The following NPHP4 variants were observed in gnomAD, a reference collection of about 807,000 sequenced individuals.
NPHP4 encodes nephrocystin-4.
Under a neutral mutation model 155.8 loss-of-function variants are expected in NPHP4, and 151 were observed. That is an observed-to-expected ratio of 0.97 (90% CI 0.85 to 1.11). The LOEUF is 1.11. Among genes scored for constraint, NPHP4 ranks in the 50% least tolerant of loss-of-function variants. The probability of loss-of-function intolerance (pLI) is 0.00; values close to 1 mark genes in which losing one functional copy is unlikely to be tolerated. For synonymous variants in NPHP4, 845 were observed against 816.8 expected, an observed-to-expected ratio of 1.03 and a Z score of -0.59; for missense variants, 1,956 against 1,925.7, an observed-to-expected ratio of 1.02 and a Z score of -0.29.
Position 5,907,215 on chromosome 1 carries a change from A to C in NPHP4, c.1511T>G (p.Ile504Ser), listed in dbSNP as rs1209081705. The change falls in exon 13 of 30, where the codon ATT becomes AGT. Residue 504 changes from isoleucine (I) to serine (S), a missense_variant. Physicochemically the swap from Ile to Ser is moderately radical, Grantham distance 142 (BLOSUM62 -2). Coordinates refer to ENST00000378156, the MANE Select transcript of NPHP4 (RefSeq NM_015102.5). ...QNSPVGPGLS[I>S]SQLAASPRSP... is the part of the protein sequence containing the mutation. ...CCGCGGGGAGGCCGCCAGCTGGGAA[A>C]TTGACAACTGGAAGGAAAGAGAGCA... is the stretch of plus-strand genomic sequence containing the variant. The C allele has an allele frequency of 2.5e-6, 4 of 1,576,112 alleles. No homozygotes were observed. Among genetic ancestry groups the C allele is most frequent in the Non-Finnish European group, 3.4e-6 (4 of 1,159,892 alleles).
At chr1:5,874,733 G>C in intron 21 of NPHP4, 76 bp from the exon 22 acceptor site, 1 of 1,534,780 alleles carries the variant, frequency 6.5e-7, no homozygotes, top group Non-Finnish European at 8.9e-7. Context: ...CCCACCCACC[G>C]AGAGCGGTGC....
chr1:5,939,589 TG>T (rs1179504474), intron 9 of NPHP4, among the ~76,000 whole-genome samples: 1 of 152,188 alleles, frequency 6.6e-6, no homozygotes, highest in East Asian at 1.9e-4. Context: ...CTGCCCTCAC[TG>T]GGTCTCACAG....
intron 16 of NPHP4, among the ~76,000 whole-genome samples, chr1:5,899,496 G>A (rs2101046708): frequency 6.6e-6 from 1 of 152,344 alleles, no homozygotes; most frequent in Middle Eastern, 3.4e-3. Flanking sequence ...CCTTGGGGGA[G>A]GTGAAGGACT....
chr1:5,886,258 T>C (rs1302765150), intron 18 of NPHP4, among the ~76,000 whole-genome samples: 1 of 152,240 alleles, frequency 6.6e-6, no homozygotes, highest in Non-Finnish European at 1.5e-5. Flanking sequence ...ATATTGTCTA[T>C]TTACCAGGCC....
chr1:5,960,711 T>G (rs1023792283), intron 6 of NPHP4, among the ~76,000 whole-genome samples: 3 of 152,024 alleles, frequency 2.0e-5, no homozygotes, highest in African/African-American at 7.2e-5. Context: ...CAGAAGTGCC[T>G]GGAAGAAGCA....
intron 23 of NPHP4, among the ~76,000 whole-genome samples, chr1:5,872,422 G>A (rs1430351525): frequency 2.0e-5 from 3 of 152,218 alleles, no homozygotes; most frequent in Admixed American, 2.0e-4. Context: ...AACAGGACGC[G>A]ATGGCTGGGA....
chr1:5,946,292 G>A (rs748137814), intron 9 of NPHP4, among the ~76,000 whole-genome samples: 3 of 152,134 alleles, frequency 2.0e-5, no homozygotes, highest in Non-Finnish European at 4.4e-5. Context: ...TATAAATGAT[G>A]TCCACATATT....
chr1:5,878,752 C>T (rs1211000639), intron 19 of NPHP4, among the ~76,000 whole-genome samples: 1 of 152,202 alleles, frequency 6.6e-6, no homozygotes, highest in Non-Finnish European at 1.5e-5. Context: ...GACAGCTGAG[C>T]TCCTGACCTG....
intron 23 of NPHP4, among the ~76,000 whole-genome samples, chr1:5,870,102 C>T (rs1457649275): frequency 4.6e-5 from 7 of 152,178 alleles, no homozygotes; most frequent in South Asian, 2.1e-4. Flanking sequence ...GTACATCTAA[C>T]GCTCAAATCT....
At chr1:5,927,193 T>C (rs1646048793) in intron 11 of NPHP4, among the ~76,000 whole-genome samples, 1 of 152,234 alleles carries the variant, frequency 6.6e-6, no homozygotes, top group African/African-American at 2.4e-5. Flanking sequence ...CCCTTGCTGC[T>C]TGTAGCCAAT....
At chr1:5,914,870 A>G (rs1645382521) in intron 11 of NPHP4, among the ~76,000 whole-genome samples, 1 of 152,162 alleles carries the variant, frequency 6.6e-6, no homozygotes, top group Non-Finnish European at 1.5e-5. Context: ...CGGTCCCCAC[A>G]GCACCAGTCC....
chr1:5,990,498 A>C (rs1656076687), intron 1 of NPHP4, among the ~76,000 whole-genome samples: 1 of 152,172 alleles, frequency 6.6e-6, no homozygotes, highest in South Asian at 2.1e-4. Context: ...TGAGCCCCTG[A>C]TGCAAGACAG....
intron 5 of NPHP4, among the ~76,000 whole-genome samples, chr1:5,962,248 T>C (rs1390412572): frequency 2.0e-5 from 3 of 152,222 alleles, no homozygotes; most frequent in African/African-American, 7.2e-5. Flanking sequence ...GGTGTAATCA[T>C]AGCTTCCTGA....
At chr1:5,927,390 A>C (rs941037820) in intron 11 of NPHP4, among the ~76,000 whole-genome samples, 3 of 152,192 alleles carry the variant, frequency 2.0e-5, no homozygotes, top group Non-Finnish European at 2.9e-5. Flanking sequence ...TGTCCTTTTA[A>C]ATGCTTAGTT....
chr1:5,889,789 G>C lies in NPHP4; in HGVS notation c.2304+1079C>G, dbSNP rs1489833911. On this transcript the variant is annotated intron_variant, in intron 17 of 29. Transcript: ENST00000378156. The surrounding 1 kb of genome is among the most constrained non-coding windows in gnomAD (Gnocchi z 4.2). ...CCTTGCCATGACCCCAACAGGAACA[G>C]AGGCCCAGGGTGAGGCATGAGAAGA... Among the ~76,000 whole-genome samples the C allele has an allele frequency of 6.6e-6, 1 of 152,226 alleles. No homozygotes were observed. Among genetic ancestry groups the C allele is most frequent in the Admixed American group, 6.5e-5 (1 of 15,286 alleles).
intron 22 of NPHP4, 68 bp from the exon 23 acceptor site, chr1:5,873,403 G>T: frequency 7.8e-7 from 1 of 1,283,590 alleles, no homozygotes; most frequent in Non-Finnish European, 1.1e-6. Flanking sequence ...CCTGTGCTTA[G>T]AGACACCACT....
At chr1:5,977,256 G>T (rs1349181319) in intron 3 of NPHP4, among the ~76,000 whole-genome samples, 1 of 151,982 alleles carries the variant, frequency 6.6e-6, no homozygotes, top group African/African-American at 2.4e-5. Flanking sequence ...AGGCACGACG[G>T]GGCCACCCTG....
rs746037477 is a variant in NPHP4 at position 5,948,170 on chromosome 1, C to T, written c.892G>A (p.Val298Met). The change falls in exon 8 of 30, where the codon GTG becomes ATG. Residue 298 changes from valine to methionine, a missense_variant. By Grantham distance (21) the Val-to-Met change is conservative. Transcript: ENST00000378156. The part of the protein sequence containing the change: ...RVGVHNGLGF[V>M]QRPQVVVLVP... ...AGTACAACGACCTGCGGCCTCTGCACGAAGCCCAGACCATTGTGCACGCCC... is the reference window on the plus strand; with the variant it reads ...AGTACAACGACCTGCGGCCTCTGCATGAAGCCCAGACCATTGTGCACGCCC... The T allele has an allele frequency of 6.8e-6, 11 of 1,612,980 alleles. No homozygotes were observed. Among genetic ancestry groups the T allele is most frequent in the African/African-American group, 5.3e-5 (4 of 74,922 alleles).
chr1:5,969,087 C>T lies in NPHP4; in HGVS notation c.452G>A (p.Arg151Lys). The T allele has an allele frequency of 1.3e-6, 2 of 1,546,262 alleles. No homozygotes were observed. The highest frequency in any genetic ancestry group is 4.9e-5 in the East Asian group (2 of 40,852). Residue 151 changes from arginine (R) to lysine (K), a missense_variant and splice_region_variant, in exon 4 of 30, where the codon AGG becomes AAG. Physicochemically the swap from Arg to Lys is conservative, Grantham distance 26. Coordinates refer to ENST00000378156, the MANE Select transcript of NPHP4 (RefSeq NM_015102.5). ...AGGGTTGTAGAAACAAGGCAGGTAC[C>T]TTTTGTCCTGGGAAGCAGAGATAGG... is the stretch of plus-strand genomic sequence containing the variant. ...DSPISASQDK[R>K]LRLYHGTPRA...
Sources: gnomAD v4.1 joint callset for allele counts (sites outside exome capture counted in the v4.1 genomes callset) on GRCh38, gnomAD v4.1.1 for gene constraint, Gnocchi (gnomAD v3.1) non-coding constraint, MANE v1.5 for transcripts, NCBI Gene and HGNC (gene_info 2026-07-23, HGNC 2026-07-21) for gene names.